The following ZBTB7C variants were observed in gnomAD, a reference collection of about 807,000 sequenced individuals.
ZBTB7C encodes the protein zinc finger and BTB domain containing 7C.
Under a neutral mutation model 25.7 loss-of-function variants are expected in ZBTB7C, and 8 were observed. The ratio of observed to expected loss-of-function variants is 0.31; its 90% CI spans 0.18 to 0.56. The LOEUF is 0.56. ZBTB7C is among the 20% of genes least tolerant of loss of function. The probability of loss-of-function intolerance (pLI) is 0.91; values close to 1 mark genes in which losing one functional copy is unlikely to be tolerated. For missense variants in ZBTB7C, 824 were observed against 855.2 expected, an observed-to-expected ratio of 0.96 and a Z score of 0.46; for synonymous variants, 394 against 369.0, an observed-to-expected ratio of 1.07 and a Z score of -0.78.
chr18:48,351,765 G>C lies in ZBTB7C; in HGVS notation c.-303-13367C>G, dbSNP rs144969173. On this transcript the variant is annotated intron_variant, in intron 1 of 4. Transcript: ENST00000590800. ...ACTGATTAAGATTTCACAGCAGCCA[G>C]AGCCAGGCCTACGGAACCCAAAGAG... 2.1e-3 allele frequency among the ~76,000 whole-genome samples: 327 copies of C among 152,294 alleles called. 1 individual carries two copies. Among genetic ancestry groups the C allele is most frequent in the Admixed American group, 4.2e-3 (64 of 15,298 alleles).
intron 3 of ZBTB7C, chr18:48,137,086 GGCC>G: frequency 1.0e-6 from 1 of 985,426 alleles, no homozygotes; most frequent in Non-Finnish European, 1.2e-6. Flanking sequence ...GAATCCACGC[GGCC>G]GCGCTGCTCG....
intron 3 of ZBTB7C, among the ~76,000 whole-genome samples, chr18:48,081,675 G>A (rs561008390): frequency 6.6e-6 from 1 of 152,046 alleles, no homozygotes; most frequent in Admixed American, 6.5e-5. Flanking sequence ...TGCCTCCTGA[G>A]GTTCAACAGG....
chr18:48,349,541 C>G (rs1054405651), intron 1 of ZBTB7C, among the ~76,000 whole-genome samples: 1 of 152,126 alleles, frequency 6.6e-6, no homozygotes, highest in African/African-American at 2.4e-5. Context: ...GCACACAGCT[C>G]CAAAGGCAGA....
chr18:48,176,378 C>G (rs556239883), intron 3 of ZBTB7C, among the ~76,000 whole-genome samples: 2 of 152,298 alleles, frequency 1.3e-5, no homozygotes, highest in Admixed American at 1.3e-4. Flanking sequence ...AGAGACACAA[C>G]TAAATGCAAT....
intron 3 of ZBTB7C, among the ~76,000 whole-genome samples, chr18:48,093,201 A>G (rs983018600): frequency 6.6e-6 from 1 of 152,140 alleles, no homozygotes; most frequent in Non-Finnish European, 1.5e-5. Flanking sequence ...CACAGAGTAG[A>G]CTCAGCCGTG....
intron 1 of ZBTB7C, among the ~76,000 whole-genome samples, chr18:48,394,980 T>C (rs562943236): frequency 6.6e-6 from 1 of 152,200 alleles, no homozygotes; most frequent in South Asian, 2.1e-4. Flanking sequence ...TGACAGGAAT[T>C]GGAATTTTGC....
chr18:48,321,794 T>A (rs1021358973), intron 2 of ZBTB7C, among the ~76,000 whole-genome samples: 3 of 152,114 alleles, frequency 2.0e-5, no homozygotes, highest in African/African-American at 4.8e-5. Flanking sequence ...GCAGGCTGCG[T>A]GCCGATCCGC....
chr18:48,265,108 C>T (rs568184143), intron 2 of ZBTB7C, among the ~76,000 whole-genome samples: 1 of 152,252 alleles, frequency 6.6e-6, no homozygotes, highest in South Asian at 2.1e-4. Context: ...TCAACCCTAT[C>T]CTTGATATCT....
rs113044827 is a variant in ZBTB7C at position 48,328,703 on chromosome 18, T to A, written c.-79+9471A>T. 4.3e-3 allele frequency among the ~76,000 whole-genome samples: 655 copies of A among 152,262 alleles called. 2 individuals are homozygous for A. The highest frequency in any genetic ancestry group is 0.015 in the African/African-American group (613 of 41,542). ...AACGCCTATCTCCTGACTCACAGTC[T>A]TGTACTCTTTCCATATACCACGTAG... On this transcript the variant is annotated intron_variant, in intron 2 of 4. Transcript: ENST00000590800.
chr18:48,404,010 T>C (rs1010199701), intron 1 of ZBTB7C, among the ~76,000 whole-genome samples: 1 of 152,170 alleles, frequency 6.6e-6, no homozygotes, highest in African/African-American at 2.4e-5. Context: ...CCCACCATTT[T>C]GGGAGGGTGA....
chr18:48,133,289 G>T (rs1032138116), intron 3 of ZBTB7C, among the ~76,000 whole-genome samples: 1 of 152,210 alleles, frequency 6.6e-6, no homozygotes, highest in Non-Finnish European at 1.5e-5. Flanking sequence ...GTGGAAGGAG[G>T]CCCACTCTAG....
chr18:48,181,040 T>G lies in ZBTB7C; in HGVS notation c.-17+4894A>C, dbSNP rs73431368. Among the ~76,000 whole-genome samples the G allele has an allele frequency of 2.0e-5, 3 of 152,170 alleles. No individual in the cohort carries two copies. In the South Asian group the frequency reaches 6.2e-4, roughly 32 times the overall value. ...AAAAGCAGATAGTATAAGTTTCCAATGCATAGGATTGTTGTGAGGATTATG... is the reference window on the plus strand; with the variant it reads ...AAAAGCAGATAGTATAAGTTTCCAAGGCATAGGATTGTTGTGAGGATTATG... On this transcript the variant is annotated intron_variant, in intron 3 of 4. Coordinates refer to ENST00000590800, the MANE Select transcript of ZBTB7C (RefSeq NM_001318841.2).
intron 3 of ZBTB7C, among the ~76,000 whole-genome samples, chr18:48,117,394 T>C (rs2039478014): frequency 6.6e-6 from 1 of 152,106 alleles, no homozygotes; most frequent in African/African-American, 2.4e-5. Flanking sequence ...TCACTTAATC[T>C]CACTGTCTCA....
chr18:48,038,694 C>T (rs2036082810), intron 4 of ZBTB7C, among the ~76,000 whole-genome samples: 1 of 152,088 alleles, frequency 6.6e-6, no homozygotes, highest in Non-Finnish European at 1.5e-5. Context: ...CCCAAAGATA[C>T]ATCTCCAAGA....
chr18:48,211,972 C>A (rs1332275374), intron 2 of ZBTB7C, among the ~76,000 whole-genome samples: 6 of 152,068 alleles, frequency 3.9e-5, no homozygotes, highest in African/African-American at 1.5e-4. Flanking sequence ...GATAAATAAA[C>A]CATGGTACAT....
chr18:48,299,415 G>A (rs1375658087), intron 2 of ZBTB7C, among the ~76,000 whole-genome samples: 2 of 152,194 alleles, frequency 1.3e-5, no homozygotes, highest in African/African-American at 2.4e-5. Context: ...ATCCACCGAA[G>A]GGAGAACAGA....
intron 1 of ZBTB7C, among the ~76,000 whole-genome samples, chr18:48,367,190 TATATATATATATACACACACACACAC>T (rs2047246414): frequency 1.5e-5 from 1 of 68,560 alleles, no homozygotes; most frequent in South Asian, 4.7e-4. Flanking sequence ...TATATATATA[TATATATATATATACACACACACACAC>T]ACACACACAC....
At chr18:48,348,961 T>TCA (rs984756263) in intron 1 of ZBTB7C, among the ~76,000 whole-genome samples, 4 of 152,220 alleles carry the variant, frequency 2.6e-5, no homozygotes, top group African/African-American at 7.2e-5. Flanking sequence ...CCCTCTGCTC[T>TCA]CACACACACA....
rs150428730 is a variant in ZBTB7C at position 48,216,702 on chromosome 18, TC to T, written c.-78-30708del. 6.3e-3 allele frequency among the ~76,000 whole-genome samples: 952 copies of T among 152,132 alleles called. 15 individuals carry two copies. Among genetic ancestry groups the T allele is most frequent in the African/African-American group, 0.021 (876 of 41,480 alleles). ...AAAACCCCGCTCCGTCAGCCCACAC[TC>T]TGTGCATCCTGAGCCCGCTCAGTCC... On this transcript the variant is annotated intron_variant, in intron 2 of 4. Transcript: ENST00000590800.
Sources: gnomAD v4.1 joint callset for allele counts (sites outside exome capture counted in the v4.1 genomes callset) on GRCh38, gnomAD v4.1.1 for gene constraint, MANE v1.5 for transcripts, NCBI Gene and HGNC (gene_info 2026-07-23, HGNC 2026-07-21) for gene names.